Variants in TRAF3IP3 observed in about 807,000 individuals in gnomAD.
The protein encoded by TRAF3IP3 is TRAF3-interacting JNK-activating modulator.
In TRAF3IP3, 64 loss-of-function variants were observed where a neutral mutation model predicts 86.5. The observed-to-expected ratio is 0.74, with a 90% CI of 0.60 to 0.91. TRAF3IP3 has a LOEUF of 0.91. TRAF3IP3 is among the 40% of genes least tolerant of loss of function. The pLI, the probability that TRAF3IP3 is intolerant of heterozygous loss-of-function variation, is 0.00. For synonymous variants in TRAF3IP3, 220 were observed against 243.9 expected, an observed-to-expected ratio of 0.90 and a Z score of 0.91; for missense variants, 579 against 642.9, an observed-to-expected ratio of 0.90 and a Z score of 1.07.
chr1:209,776,592 T>C (rs1012717680), intron 11 of TRAF3IP3: 1 of 150,934 alleles, frequency 6.6e-6, no homozygotes, highest in Non-Finnish European at 1.5e-5. Flanking sequence ...GCAACTCCTA[T>C]GAAGATTTTT....
intron 8 of TRAF3IP3, 122 bp from the exon 9 acceptor site, chr1:209,772,826 C>T: frequency 1.3e-6 from 1 of 785,622 alleles, no homozygotes; most frequent in Non-Finnish European, 2.1e-6. Context: ...CTGCCTGCCT[C>T]CTGAAAGAGT....
At chr1:209,781,947 C>A in intron 16 of TRAF3IP3, 109 bp from the exon 17 acceptor site, 1 of 867,670 alleles carries the variant, frequency 1.2e-6, no homozygotes, top group Non-Finnish European at 1.9e-6. Flanking sequence ...TTCTCCACCA[C>A]CAACCCAGCG....
chr1:209,782,158 G>A lies in TRAF3IP3; in HGVS notation c.*10G>A. On this transcript the variant is annotated 3_prime_UTR_variant, in exon 17 of 17. Coordinates refer to ENST00000367025, the MANE Select transcript of TRAF3IP3 (RefSeq NM_025228.4). ...CAACCTGATGATCTGAATAATTTGT[G>A]ACAACTGCCTTGGGTGAAAATCAGA... The A allele has an allele frequency of 1.2e-6, 2 of 1,608,506 alleles. No homozygotes were observed. Among genetic ancestry groups the A allele is most frequent in the Non-Finnish European group, 8.5e-7 (1 of 1,174,890 alleles).
chr1:209,781,731 T>C (rs1240598731), intron 16 of TRAF3IP3: 2 of 484,894 alleles, frequency 4.1e-6, no homozygotes, highest in African/African-American at 1.9e-5. Flanking sequence ...ATGATAAGCA[T>C]GGTGGCAAGA....
At position 209,760,305 on chromosome 1, in the gene TRAF3IP3, C is replaced by T. The variant is rs1282856731; in HGVS notation, c.266C>T (p.Pro89Leu). ...CATCCCCAGGCCAGGGAGCAAGGGC[C>T]CTCCAGGCGGCCAGGACAGGTGACT... The part of the protein sequence containing the change: ...AQHPQAREQG[P>L]SRRPGQVTVL... Residue 89 changes from proline (P) to leucine (L), a missense_variant, in exon 3 of 17, where the codon CCC (proline) becomes CTC (leucine). Pro to Leu is a moderately conservative substitution (Grantham distance 98). Coordinates refer to ENST00000367025, the MANE Select transcript of TRAF3IP3 (RefSeq NM_025228.4). 7 of 1,613,968 alleles carry T rather than the reference C, an allele frequency of 4.3e-6. No individual in the cohort carries two copies. Among genetic ancestry groups the T allele is most frequent in the Non-Finnish European group, 5.9e-6 (7 of 1,179,998 alleles).
rs2077329550 is a variant in TRAF3IP3 at position 209,765,232 on chromosome 1, A to C, written c.702+1645A>C. Among the ~76,000 whole-genome samples, 2 of 47,874 alleles carry C rather than the reference A, an allele frequency of 4.2e-5. 1 individual carries two copies. The highest frequency in any genetic ancestry group is 1.6e-4 in the African/African-American group (2 of 12,846). 31.4% of individuals were successfully genotyped at this position (47,874 alleles called of 152,430 possible). ...GAGAGAGGGAGAGAGAGAGAGAGGA[A>C]GGAAGGAAGGAAGGAAGGAAGGAAG... is the stretch of plus-strand genomic sequence containing the variant. On this transcript the variant is annotated intron_variant, in intron 8 of 16. Coordinates refer to ENST00000367025, the MANE Select transcript of TRAF3IP3 (RefSeq NM_025228.4).
At chr1:209,768,819 T>C (rs531698119) in intron 8 of TRAF3IP3, among the ~76,000 whole-genome samples, 4 of 152,316 alleles carry the variant, frequency 2.6e-5, no homozygotes, top group South Asian at 2.1e-4. Flanking sequence ...TGGGGGACCC[T>C]GGGGCTCAGA....
At chr1:209,763,459 T>C in intron 7 of TRAF3IP3, 33 bp from the exon 8 acceptor site, 1 of 1,613,450 alleles carries the variant, frequency 6.2e-7, no homozygotes, top group Non-Finnish European at 8.5e-7. Context: ...CAGGTTAATC[T>C]TACCCTCTTG....
chr1:209,768,121 T>C, intron 8 of TRAF3IP3: 3 of 985,190 alleles, frequency 3.0e-6, no homozygotes, highest in Non-Finnish European at 3.6e-6. Flanking sequence ...AATAAAAGTA[T>C]AGCCCCAAAC....
chr1:209,757,786 TTA>T (rs1475792290), intron 1 of TRAF3IP3, among the ~76,000 whole-genome samples: 3 of 152,250 alleles, frequency 2.0e-5, no homozygotes, highest in African/African-American at 4.8e-5. Context: ...TAGGAATACT[TTA>T]TGTCTTTATT....
At chr1:209,776,390 T>C (rs2077654625) in intron 11 of TRAF3IP3, 1 of 152,238 alleles carries the variant, frequency 6.6e-6, no homozygotes, top group African/African-American at 2.4e-5. Flanking sequence ...TAGATTTATT[T>C]ACCTGGTTTG....
chr1:209,777,874 C>A (rs1648093972), intron 12 of TRAF3IP3: 2 of 584,370 alleles, frequency 3.4e-6, no homozygotes, highest in East Asian at 5.7e-5. Context: ...ATAGAGAGGA[C>A]TAGATAGTGT....
intron 3 of TRAF3IP3, among the ~76,000 whole-genome samples, chr1:209,761,992 C>G (rs2077254432): frequency 6.6e-6 from 1 of 152,274 alleles, no homozygotes; most frequent in Non-Finnish European, 1.5e-5. Context: ...ATATCAGGAG[C>G]AGGAGAAGCC....
At position 209,777,498 on chromosome 1, in the gene TRAF3IP3, C is replaced by T. The variant is rs185786547; in HGVS notation, c.1189+11C>T. On this transcript the variant is annotated intron_variant, in intron 12 of 16. Coordinates refer to ENST00000367025, the MANE Select transcript of TRAF3IP3 (RefSeq NM_025228.4). ...CCCAGGACCTACAAGGTACTCTTCT[C>T]CTTGGAGGCCTTGAGTGCATGGCAG... 5.0e-6 allele frequency: 8 copies of T among 1,600,198 alleles called. No homozygotes were observed. Among genetic ancestry groups the T allele is most frequent in the Non-Finnish European group, 8.5e-7 (1 of 1,171,144 alleles).
At chr1:209,776,479 G>C (rs555824306) in intron 11 of TRAF3IP3, 1 of 152,196 alleles carries the variant, frequency 6.6e-6, no homozygotes, top group Non-Finnish European at 1.5e-5. Flanking sequence ...CTTGATAAGA[G>C]ACAGAGTATG....
chr1:209,778,027 C>A, intron 12 of TRAF3IP3, 84 bp from the exon 13 acceptor site: 1 of 1,162,344 alleles, frequency 8.6e-7, no homozygotes, highest in Non-Finnish European at 1.3e-6. Context: ...GACAAGACAG[C>A]ATCTATTACT....
intron 9 of TRAF3IP3, 116 bp downstream of exon 9, chr1:209,773,135 T>C (rs1360033513): frequency 1.7e-5 from 15 of 859,234 alleles, no homozygotes; most frequent in Non-Finnish European, 2.5e-5. Context: ...AACACACCCA[T>C]TCCTACTTAC....
chr1:209,757,233 A>C lies in TRAF3IP3; in HGVS notation c.-160+924A>C, dbSNP rs192307980. On this transcript the variant is annotated intron_variant, in intron 1 of 16. Transcript: ENST00000367025. ...AGAAGGCTCCATGTCTGCCCCAAGG[A>C]AGCAGAGAGCAGAGCAGCTGTGTGT... Among the ~76,000 whole-genome samples the C allele has an allele frequency of 1.9e-3, 294 of 152,318 alleles. 1 individual carries two copies. The highest frequency in any genetic ancestry group is 6.4e-3 in the African/African-American group (268 of 41,564).
chr1:209,773,390 G>T (rs1249559773), intron 9 of TRAF3IP3, among the ~76,000 whole-genome samples: 1 of 152,216 alleles, frequency 6.6e-6, no homozygotes, highest in East Asian at 1.9e-4. Flanking sequence ...AGATGAGTTA[G>T]ATGTTATAAT....
Sources: gnomAD v4.1 joint callset for allele counts (sites outside exome capture counted in the v4.1 genomes callset) on GRCh38, gnomAD v4.1.1 for gene constraint, MANE v1.5 for transcripts, NCBI Gene and HGNC (gene_info 2026-07-23, HGNC 2026-07-21) for gene names.